Variants in THSD4 observed in about 807,000 individuals in gnomAD.
THSD4 encodes thrombospondin type 1 domain containing 4, also known as thrombospondin type-1 domain-containing protein 4.
In THSD4, 69 loss-of-function variants were observed where a neutral mutation model predicts 119.0. The ratio of observed to expected loss-of-function variants is 0.58; its 90% CI spans 0.48 to 0.71. The LOEUF is 0.71. THSD4 is among the 30% of genes least tolerant of loss of function. The pLI is 0.00. For missense variants in THSD4, 1,393 were observed against 1,391.1 expected (o/e 1.00, Z -0.02); for synonymous variants, 524 against 540.4 (o/e 0.97, Z 0.42).
At chr15:71,283,377 A>G (rs898061445) in intron 6 of THSD4, among the ~76,000 whole-genome samples, 4 of 152,124 alleles carry the variant, frequency 2.6e-5, no homozygotes, top group African/African-American at 7.2e-5. Context: ...TTGCTCACAT[A>G]TGGTTTTACG....
intron 6 of THSD4, among the ~76,000 whole-genome samples, chr15:71,313,925 G>A (rs892941237): frequency 3.9e-5 from 6 of 152,184 alleles, no homozygotes; most frequent in African/African-American, 7.2e-5. Context: ...ACTAACAAAA[G>A]CAGATTAAAG....
intron 7 of THSD4, among the ~76,000 whole-genome samples, chr15:71,481,742 T>C (rs1163062279): frequency 6.6e-6 from 1 of 152,210 alleles, no homozygotes; most frequent in Non-Finnish European, 1.5e-5. Flanking sequence ...AGAACAACCA[T>C]TTCATTATTT....
chr15:71,497,526 A>AG (rs1459196062), intron 7 of THSD4, among the ~76,000 whole-genome samples: 2 of 151,832 alleles, frequency 1.3e-5, no homozygotes, highest in Non-Finnish European at 2.9e-5. Context: ...AACAAAAAAA[A>AG]AGGCATATAT....
Position 71,777,630 on chromosome 15 carries a change from T to G in THSD4, c.*256T>G. 2.0e-6 allele frequency: 1 copy of G among 506,614 alleles called. No homozygotes were observed. The highest frequency in any genetic ancestry group is 2.3e-5 in the South Asian group (1 of 43,472). 31.4% of individuals were successfully genotyped at this position (506,614 alleles called of 1,614,324 possible). On this transcript the variant is annotated 3_prime_UTR_variant, in exon 18 of 18. Coordinates refer to ENST00000261862, the MANE Select transcript of THSD4 (RefSeq NM_024817.3). ...CCTCCTTGGACCTGGCATCTGCTAA[T>G]GGTGCCCTTTGAAAGTCAAGCAGTG...
intron 7 of THSD4, among the ~76,000 whole-genome samples, chr15:71,421,107 C>T (rs1386686769): frequency 2.8e-5 from 2 of 72,446 alleles, no homozygotes; most frequent in African/African-American, 9.8e-5. Context: ...TGTAGTGAGC[C>T]AAGATGGTAC....
intron 14 of THSD4, among the ~76,000 whole-genome samples, chr15:71,751,129 C>T (rs981566282): frequency 2.6e-5 from 4 of 152,182 alleles, no homozygotes; most frequent in Non-Finnish European, 5.9e-5. Flanking sequence ...ATTGGGGAAC[C>T]CCTTCCACTT....
Position 71,379,329 on chromosome 15 carries a change from A to T in THSD4, c.1016-32358A>T, listed in dbSNP as rs539863595. ...ACATGGCTATTGTTTTCTTATAGTC[A>T]GCTGTTGTCATATCTAACTTGTCCT... On this transcript the variant is annotated intron_variant, in intron 6 of 17. Transcript: ENST00000261862. 3.3e-5 allele frequency among the ~76,000 whole-genome samples: 5 copies of T among 152,034 alleles called. No homozygotes were observed. In the South Asian group the frequency reaches 1.0e-3, roughly 32 times the overall value.
intron 7 of THSD4, among the ~76,000 whole-genome samples, chr15:71,524,421 T>C (rs1368033167): frequency 1.3e-5 from 2 of 152,146 alleles, no homozygotes; most frequent in South Asian, 2.1e-4. Flanking sequence ...TTTCACCCAG[T>C]GTGCCAACTC....
intron 6 of THSD4, among the ~76,000 whole-genome samples, chr15:71,264,512 T>C (rs905318834): frequency 2.0e-5 from 3 of 152,152 alleles, no homozygotes; most frequent in Non-Finnish European, 2.9e-5. Context: ...AAAATGATGA[T>C]TTTGGTTTTG....
intron 3 of THSD4, among the ~76,000 whole-genome samples, chr15:71,189,549 A>G (rs1401462630): frequency 6.6e-6 from 1 of 152,140 alleles, no homozygotes; most frequent in Non-Finnish European, 1.5e-5. Flanking sequence ...GGGCACCTGC[A>G]GTCCCAGCTA....
At chr15:71,579,640 C>T (rs2049520591) in intron 7 of THSD4, among the ~76,000 whole-genome samples, 1 of 152,214 alleles carries the variant, frequency 6.6e-6, no homozygotes, top group African/African-American at 2.4e-5. Context: ...AATGCCTCCA[C>T]ATGGTAGATC....
At chr15:71,643,773 C>T (rs922099335) in intron 7 of THSD4, among the ~76,000 whole-genome samples, 1 of 152,100 alleles carries the variant, frequency 6.6e-6, no homozygotes, top group Non-Finnish European at 1.5e-5. Flanking sequence ...ATTTGGATGC[C>T]TTAGCGTTTA....
intron 7 of THSD4, among the ~76,000 whole-genome samples, chr15:71,566,840 C>CT (rs2049250628): frequency 6.6e-6 from 1 of 151,786 alleles, no homozygotes; most frequent in Non-Finnish European, 1.5e-5. Context: ...ACCTCCCTGT[C>CT]TTTTCACCCT....
At chr15:71,714,866 C>T (rs1595884893) in intron 8 of THSD4, among the ~76,000 whole-genome samples, 2 of 152,044 alleles carry the variant, frequency 1.3e-5, no homozygotes, top group African/African-American at 4.8e-5. Flanking sequence ...TGCACGTGTA[C>T]CCCCAATCCT....
Position 71,724,297 on chromosome 15 carries a change from T to TTTTTTTC in THSD4, c.1358-4252_1358-4251insTTTTTTC, listed in dbSNP as rs1491121953. ...TATATATATATATATATTTTTTTTT[T>TTTTTTTC]CCCCCCAAGATGGAATTTTGCTCTG... On this transcript the variant is annotated intron_variant, in intron 8 of 17. Transcript: ENST00000261862. Among the ~76,000 whole-genome samples, 44 of 41,622 alleles carry TTTTTTTC rather than the reference T, an allele frequency of 1.1e-3. 1 individual carries two copies. The highest frequency in any genetic ancestry group is 1.8e-3 in the African/African-American group (42 of 22,710). 27.3% of individuals were successfully genotyped at this position (41,622 alleles called of 152,430 possible).
chr15:71,243,119 G>T (rs12440013), intron 5 of THSD4, 23 bp downstream of exon 5: 10 of 1,579,916 alleles, frequency 6.3e-6, no homozygotes, highest in Non-Finnish European at 6.0e-6. Context: ...AACCCATACC[G>T]GGCCTGGAAA....
At chr15:71,764,428 G>C (rs2053680429) in intron 15 of THSD4, among the ~76,000 whole-genome samples, 1 of 152,258 alleles carries the variant, frequency 6.6e-6, no homozygotes, top group Non-Finnish European at 1.5e-5. Flanking sequence ...CCATGGTGCA[G>C]ATTTCAGCAC....
chr15:71,508,749 T>C (rs2048233585), intron 7 of THSD4, among the ~76,000 whole-genome samples: 1 of 152,192 alleles, frequency 6.6e-6, no homozygotes, highest in Non-Finnish European at 1.5e-5. Flanking sequence ...TTTTAGGTAT[T>C]ATAAATATGT....
Position 71,411,800 on chromosome 15 carries a change from A to T in THSD4, c.1129A>T (p.Ile377Phe), listed in dbSNP as rs371755466. 34 of 1,613,952 alleles carry T rather than the reference A, an allele frequency of 2.1e-5. No homozygotes were observed. Among genetic ancestry groups the T allele is most frequent in the Non-Finnish European group, 2.8e-5 (33 of 1,179,984 alleles). ...CCCCTGTGACCAGAACGGCACGGCC[A>T]TCTGTGTGTCTGGGCAGTGCAAGGT... Reference protein sequence around the residue: ...GTPCDQNGTAICVSGQCKSIG... With the variant: ...GTPCDQNGTAFCVSGQCKSIG... The change falls in exon 7 of 18, where the codon ATC (isoleucine) becomes TTC (phenylalanine). Residue 377 changes from isoleucine to phenylalanine, a missense_variant. Coordinates refer to ENST00000261862, the MANE Select transcript of THSD4 (RefSeq NM_024817.3).
Sources: allele counts gnomAD v4.1 joint callset (sites outside exome capture counted in the v4.1 genomes callset), GRCh38; gene constraint gnomAD v4.1.1; transcripts MANE v1.5; gene names NCBI Gene and HGNC (gene_info 2026-07-23, HGNC 2026-07-21).